Variants in ARHGAP26 observed in about 807,000 individuals in gnomAD.
ARHGAP26 encodes rho GTPase-activating protein 26.
Under a neutral mutation model 104.8 loss-of-function variants are expected in ARHGAP26, and 38 were observed. The observed-to-expected ratio is 0.36, with a 90% CI of 0.28 to 0.48. The LOEUF is 0.48. Ranked by LOEUF, ARHGAP26 falls within the 20% of genes least tolerant of loss-of-function variation. ARHGAP26 has a pLI of 0.99. For missense variants in ARHGAP26, 704 were observed against 947.9 expected (o/e 0.74, Z 3.38); for synonymous variants, 341 against 340.0 (o/e 1.00, Z -0.03).
chr5:142,812,828 G>A (rs984782677), intron 1 of ARHGAP26, among the ~76,000 whole-genome samples: 11 of 152,164 alleles, frequency 7.2e-5, no homozygotes, highest in South Asian at 2.1e-4. Flanking sequence ...ATAAGCCACC[G>A]TGTCTGGCTC....
chr5:142,783,123 T>C (rs1384046245), intron 1 of ARHGAP26, among the ~76,000 whole-genome samples: 1 of 152,230 alleles, frequency 6.6e-6, no homozygotes, highest in East Asian at 1.9e-4. Context: ...ATCCTGTTCT[T>C]CCTTAATGTG....
intron 1 of ARHGAP26, among the ~76,000 whole-genome samples, chr5:142,856,373 T>C (rs1267485958): frequency 1.3e-5 from 2 of 152,248 alleles, no homozygotes; most frequent in Non-Finnish European, 2.9e-5. Flanking sequence ...ACACCTATCT[T>C]GGAAGATCGC....
At position 142,894,441 on chromosome 5, in the gene ARHGAP26, A is replaced by T. The variant is rs557804565; in HGVS notation, c.597+93A>T. ...TACAAAATGCTCTAAGTTGTTGATG[A>T]AGAGGTTGAGCAGCCCTGACACTGT... On this transcript the variant is annotated intron_variant, in intron 6 of 22. Transcript: ENST00000645722. The T allele has an allele frequency of 3.0e-5, 36 of 1,217,804 alleles. No individual in the cohort carries two copies. The South Asian group carries it at 4.4e-4, about 15-fold the overall frequency. The allele number at this position is 1,217,804 out of a possible 1,614,324, so 75.4% of individuals were successfully genotyped here. A position where few individuals can be genotyped will look rare whatever the true frequency, so the allele number is the denominator to read the frequency against.
At chr5:142,952,294 C>T (rs1480231471) in intron 11 of ARHGAP26, among the ~76,000 whole-genome samples, 2 of 152,192 alleles carry the variant, frequency 1.3e-5, no homozygotes, top group East Asian at 3.8e-4. Flanking sequence ...TTATGGGTGT[C>T]ATATGCCATC....
intron 10 of ARHGAP26, among the ~76,000 whole-genome samples, chr5:142,928,238 T>G (rs1050489339): frequency 4.1e-5 from 5 of 122,866 alleles, no homozygotes; most frequent in Non-Finnish European, 7.8e-5. Context: ...TGTGTTTTTT[T>G]TTTTTTTTTT....
At chr5:142,862,756 A>G (rs1753589071) in intron 1 of ARHGAP26, among the ~76,000 whole-genome samples, 1 of 152,090 alleles carries the variant, frequency 6.6e-6, no homozygotes, top group African/African-American at 2.4e-5. Context: ...CCTTTCTTTT[A>G]CTTATAAACC....
At chr5:143,177,034 A>G (rs1363657793) in intron 20 of ARHGAP26, among the ~76,000 whole-genome samples, 1 of 152,202 alleles carries the variant, frequency 6.6e-6, no homozygotes, top group African/African-American at 2.4e-5. Context: ...TGAACAAGCC[A>G]TTTGACCTTT....
chr5:143,020,050 C>T (rs1780105373), intron 12 of ARHGAP26, among the ~76,000 whole-genome samples: 1 of 152,228 alleles, frequency 6.6e-6, no homozygotes, highest in Non-Finnish European at 1.5e-5. Flanking sequence ...GTTCACTCCA[C>T]TTCTCACTCT....
At chr5:142,811,521 CA>C (rs1262314784) in intron 1 of ARHGAP26, among the ~76,000 whole-genome samples, 1 of 152,048 alleles carries the variant, frequency 6.6e-6, no homozygotes, top group African/African-American at 2.4e-5. Flanking sequence ...ATGTATTCAA[CA>C]AAAAAACACT....
chr5:143,172,429 G>C (rs561623016), intron 20 of ARHGAP26, among the ~76,000 whole-genome samples: 2 of 152,126 alleles, frequency 1.3e-5, no homozygotes, highest in East Asian at 3.9e-4. Flanking sequence ...ACAAAGAAGG[G>C]AAAAAATATA....
intron 1 of ARHGAP26, among the ~76,000 whole-genome samples, chr5:142,865,588 A>G (rs957320567): frequency 1.4e-5 from 2 of 141,172 alleles, no homozygotes; most frequent in African/African-American, 5.3e-5. Flanking sequence ...CCTGTCATTT[A>G]GTTACCTACA....
chr5:143,217,359 G>C (rs1223214788), intron 22 of ARHGAP26, among the ~76,000 whole-genome samples: 1 of 152,104 alleles, frequency 6.6e-6, no homozygotes, highest in Non-Finnish European at 1.5e-5. Context: ...TAATTCCAGT[G>C]TCATCCCTGG....
intron 4 of ARHGAP26, among the ~76,000 whole-genome samples, chr5:142,884,404 G>T (rs1247587720): frequency 6.6e-6 from 1 of 152,120 alleles, no homozygotes; most frequent in East Asian, 1.9e-4. Flanking sequence ...GATTAATTAT[G>T]GTAATTATTT....
intron 20 of ARHGAP26, among the ~76,000 whole-genome samples, chr5:143,154,960 C>T (rs1430119212): frequency 6.6e-6 from 1 of 152,072 alleles, no homozygotes; most frequent in Non-Finnish European, 1.5e-5. Flanking sequence ...ATTTGTCATC[C>T]TTTGGAATGT....
intron 17 of ARHGAP26, among the ~76,000 whole-genome samples, chr5:143,080,373 A>G (rs553771138): frequency 6.6e-6 from 1 of 152,336 alleles, no homozygotes; most frequent in South Asian, 2.1e-4. Flanking sequence ...CATTATAAAG[A>G]TAATTTCAGG....
intron 11 of ARHGAP26, among the ~76,000 whole-genome samples, chr5:143,004,429 C>G (rs1283113520): frequency 6.6e-6 from 1 of 152,166 alleles, no homozygotes; most frequent in East Asian, 1.9e-4. Context: ...AGGGCCTATA[C>G]CAGTGAAAGG....
Position 143,222,272 on chromosome 5 carries a change from CACACACA to C in ARHGAP26, c.2192-85_2192-79del, listed in dbSNP as rs1348111665. On this transcript the variant is annotated intron_variant, in intron 22 of 22. Coordinates refer to ENST00000645722, the MANE Select transcript of ARHGAP26 (RefSeq NM_001135608.3). The stretch of plus-strand genomic sequence containing the variant: ...ACACACACACACACACACACACACA[CACACACA>C]CACACCCCACACACACATCTGCCGC... The C allele has an allele frequency of 2.3e-5, 18 of 770,040 alleles. No individual in the cohort carries two copies. The Admixed American group carries it at 2.8e-4, about 12-fold the overall frequency. 47.7% of individuals were successfully genotyped at this position (770,040 alleles called of 1,614,324 possible). A position where few individuals can be genotyped will look rare whatever the true frequency, so the allele number is the denominator to read the frequency against.
intron 11 of ARHGAP26, among the ~76,000 whole-genome samples, chr5:142,983,458 G>A (rs961664919): frequency 3.3e-5 from 5 of 152,078 alleles, no homozygotes; most frequent in Admixed American, 6.5e-5. Flanking sequence ...TGCCCTCCTC[G>A]GCCTCTCAAA....
intron 1 of ARHGAP26, among the ~76,000 whole-genome samples, chr5:142,785,633 T>A (rs1561837034): frequency 6.6e-6 from 1 of 152,246 alleles, no homozygotes. Flanking sequence ...CTGATTTGGC[T>A]GGTTGCACTT....
Sources: gnomAD v4.1 joint callset for allele counts (sites outside exome capture counted in the v4.1 genomes callset) on GRCh38, gnomAD v4.1.1 for gene constraint, MANE v1.5 for transcripts, NCBI Gene and HGNC (gene_info 2026-07-23, HGNC 2026-07-21) for gene names.